Variants in ATP5PO observed in about 807,000 individuals in gnomAD.
ATP5PO encodes ATP synthase peripheral stalk subunit OSCP, mitochondrial.
In ATP5PO, 14 loss-of-function variants were observed where a neutral mutation model predicts 26.2. That is an observed-to-expected ratio of 0.53 (90% CI 0.35 to 0.83). The LOEUF (loss-of-function observed/expected upper bound fraction) is 0.83. Among genes scored for constraint, ATP5PO ranks in the 40% least tolerant of loss-of-function variants. The probability of loss-of-function intolerance (pLI) is 0.01; values close to 1 mark genes in which losing one functional copy is unlikely to be tolerated. For missense variants in ATP5PO, 241 were observed against 258.5 expected (o/e 0.93, Z 0.46); for synonymous variants, 106 against 95.1 (o/e 1.12, Z -0.67).
At chr21:33,906,917 G>C (rs1987180838) in intron 5 of ATP5PO, 2 of 383,314 alleles carry the variant, frequency 5.2e-6, no homozygotes, top group Non-Finnish European at 1.0e-5. Flanking sequence ...CCTGAGCCCA[G>C]GAGGTTGAGG....
intron 3 of ATP5PO, among the ~76,000 whole-genome samples, 169 bp downstream of exon 3, chr21:33,912,120 A>G (rs1025709821): frequency 1.3e-5 from 2 of 152,098 alleles, no homozygotes; most frequent in African/African-American, 2.4e-5. Flanking sequence ...TGTTCTTTTT[A>G]TATGTCTTAT....
At chr21:33,909,290 T>G in intron 3 of ATP5PO, 79 bp from the exon 4 acceptor site, 2 of 1,487,204 alleles carry the variant, frequency 1.3e-6, no homozygotes, top group Non-Finnish European at 1.8e-6. Flanking sequence ...TTTCTTTCTT[T>G]CTTTTTTGGA....
In ATP5PO at chr21:33,907,473, T is replaced by A. The variant is rs772964701; in HGVS notation, c.329-20A>T. ...GCAAATCTGCCAGAGTGAAGGTGTC[T>A]CAGTAACAAGAAACTCACCTGAACA... is the stretch of plus-strand genomic sequence containing the variant. On this transcript the variant is annotated intron_variant, in intron 4 of 6. Transcript: ENST00000290299. 8 of 1,595,352 alleles carry A rather than the reference T, an allele frequency of 5.0e-6. No individual in the cohort carries two copies. Among genetic ancestry groups the A allele is most frequent in the Non-Finnish European group, 4.3e-6 (5 of 1,163,306 alleles).
At chr21:33,908,000 A>C (rs949814127) in intron 4 of ATP5PO, among the ~76,000 whole-genome samples, 17 of 152,048 alleles carry the variant, frequency 1.1e-4, no homozygotes, top group African/African-American at 4.1e-4. Context: ...ACAAAAAAAA[A>C]ACTAAAAAAT....
rs1219398208 is a variant in ATP5PO, at chr21:33,907,348, G to A, written c.434C>T (p.Ser145Phe). The A allele has an allele frequency of 1.2e-6, 2 of 1,612,110 alleles. No individual in the cohort carries two copies. The highest frequency in any genetic ancestry group is 1.7e-5 in the Admixed American group (1 of 60,004). ...HRGEVPCTVT[S>F]ASPLEEATLS... ...CAACAACCCGTTACTTACAGATGCAGAGGTCACTGTGCAAGGTACCTCTCC... is the reference window on the plus strand; with the variant it reads ...CAACAACCCGTTACTTACAGATGCAAAGGTCACTGTGCAAGGTACCTCTCC... Residue 145 changes from serine to phenylalanine, a missense_variant, in exon 5 of 7, where the codon TCT becomes TTT. By Grantham distance (155) the Ser-to-Phe change is radical (BLOSUM62 -2). Coordinates refer to ENST00000290299, the MANE Select transcript of ATP5PO (RefSeq NM_001697.3).
At chr21:33,914,584 A>C in intron 1 of ATP5PO, 84 bp from the exon 2 acceptor site, 1 of 1,269,406 alleles carries the variant, frequency 7.9e-7, no homozygotes, top group Non-Finnish European at 1.1e-6. Flanking sequence ...AAAAATTTTA[A>C]ATAACCTTAA....
Position 33,908,940 on chromosome 21 carries a change from C to CT in ATP5PO, c.328+141dup. ...TAGGGAGCTGGTTAAGATACAGACT[C>CT]TGATTCAGCAGGTTGCTGTGAGGCC... On this transcript the variant is annotated intron_variant, in intron 4 of 6. Transcript: ENST00000290299. 3 of 944,880 alleles carry CT rather than the reference C, an allele frequency of 3.2e-6. No homozygotes were observed. The South Asian group carries it at 6.5e-5, about 20-fold the overall frequency. 58.5% of individuals were successfully genotyped at this position (944,880 alleles called of 1,614,324 possible). A position where few individuals can be genotyped will look rare whatever the true frequency, so the allele number is the denominator to read the frequency against.
intron 5 of ATP5PO, among the ~76,000 whole-genome samples, chr21:33,905,925 A>AAAAAAAAAAAAAAAAAAAAAAAAG: frequency 1.3e-5 from 2 of 150,552 alleles, no homozygotes; most frequent in Non-Finnish European, 3.0e-5. Flanking sequence ...AAAGAAAAAA[A>AAAAAAAAAAAAAAAAAAAAAAAAG]AAAAAAAAAA....
intron 2 of ATP5PO, among the ~76,000 whole-genome samples, chr21:33,914,043 G>T (rs1027815644): frequency 5.3e-5 from 8 of 152,122 alleles, no homozygotes; most frequent in African/African-American, 1.9e-4. Flanking sequence ...CTCCCAAAGT[G>T]CTGGGACTAC....
chr21:33,915,760 C>A lies in ATP5PO; in HGVS notation c.4G>T (p.Ala2Ser). The change falls in exon 1 of 7, where the codon GCT (alanine) becomes TCT (serine). Residue 2 changes from alanine (A) to serine (S), a missense_variant. Ala to Ser is a moderately conservative substitution (Grantham distance 99). Transcript: ENST00000290299. M[A>S]APAVSGLSRQ... ...GAGAGCCCGGACACTGCTGGGGCAG[C>A]CATCTTCTCCCGGGCGGCTGTAGGT... 1 of 1,572,950 alleles carries A rather than the reference C, an allele frequency of 6.4e-7. No homozygotes were observed.
Position 33,907,428 on chromosome 21 carries a change from T to C in ATP5PO, c.354A>G (p.Leu118=), listed in dbSNP as rs747182830. The part of the protein sequence containing the change: ...LINLLAENGR[L]SNTQGVVSAF... The stretch of plus-strand genomic sequence containing the variant: ...CAGAAACGACTCCTTGGGTATTGCT[T>C]AATCGACCATTTTCAGCAAGCAAAT... The change falls in exon 5 of 7, where the codon TTA becomes TTG. Residue 118 remains leucine (L), a synonymous_variant. Transcript: ENST00000290299. 1.9e-6 allele frequency: 3 copies of C among 1,614,116 alleles called. No individual in the cohort carries two copies. The highest frequency in any genetic ancestry group is 1.7e-5 in the Admixed American group (1 of 60,016).
chr21:33,914,048 G>A (rs1481484713), intron 2 of ATP5PO, among the ~76,000 whole-genome samples: 1 of 152,052 alleles, frequency 6.6e-6, no homozygotes, highest in Non-Finnish European at 1.5e-5. Context: ...AAAGTGCTGG[G>A]ACTACAGGCG....
rs1195541979 is a variant in ATP5PO, at chr21:33,903,516, A to AC, written c.*9dup. The AC allele has an allele frequency of 6.2e-7, 1 of 1,605,864 alleles. No individual in the cohort carries two copies. Among genetic ancestry groups the AC allele is most frequent in the African/African-American group, 1.3e-5 (1 of 74,600 alleles). The stretch of plus-strand genomic sequence containing the variant: ...TAAGAATTTTCACTGATGGCAGAAA[A>AC]CCAACACTTTTAGACAATCTCCCGC... On this transcript the variant is annotated 3_prime_UTR_variant, in exon 7 of 7. Coordinates refer to ENST00000290299, the MANE Select transcript of ATP5PO (RefSeq NM_001697.3).
intron 5 of ATP5PO, among the ~76,000 whole-genome samples, chr21:33,905,796 C>T (rs1048963145): frequency 6.6e-6 from 1 of 151,550 alleles, no homozygotes; most frequent in African/African-American, 2.4e-5. Context: ...TGCTGTAGTC[C>T]AGCTACTTGG....
chr21:33,906,852 G>A (rs1373529964), intron 5 of ATP5PO: 5 of 442,796 alleles, frequency 1.1e-5, no homozygotes, highest in African/African-American at 1.0e-4. Flanking sequence ...TTAGCCGGGT[G>A]TGGTGGGGGT....
intron 4 of ATP5PO, among the ~76,000 whole-genome samples, chr21:33,908,421 C>G (rs887055196): frequency 6.6e-6 from 1 of 151,912 alleles, no homozygotes; most frequent in Non-Finnish European, 1.5e-5. Flanking sequence ...ATCTGAAAAG[C>G]AATCCAGGCT....
intron 2 of ATP5PO, 73 bp downstream of exon 2, chr21:33,914,377 G>T: frequency 1.4e-6 from 2 of 1,457,776 alleles, no homozygotes; most frequent in Non-Finnish European, 1.9e-6. Context: ...AAAAATCCAC[G>T]CCCTGACTGT....
intron 2 of ATP5PO, 47 bp from the exon 3 acceptor site, chr21:33,912,446 G>T: frequency 7.4e-7 from 1 of 1,351,868 alleles, no homozygotes. Context: ...AGGAAAATCA[G>T]TTAATAGTAT....
At chr21:33,907,563 A>C in intron 4 of ATP5PO, 110 bp from the exon 5 acceptor site, 1 of 856,150 alleles carries the variant, frequency 1.2e-6, no homozygotes, top group Non-Finnish European at 1.9e-6. Context: ...TTAAAACACC[A>C]TATACAGGGG....
Sources: allele counts gnomAD v4.1 joint callset (sites outside exome capture counted in the v4.1 genomes callset), GRCh38; gene constraint gnomAD v4.1.1; transcripts MANE v1.5; gene names NCBI Gene and HGNC (gene_info 2026-07-23, HGNC 2026-07-21).